GADL1: variants seen among roughly 807,000 people sequenced by gnomAD.
GADL1 encodes acidic amino acid decarboxylase GADL1.
A neutral mutation model predicts 69.5 loss-of-function variants in GADL1; 71 were observed. That is an observed-to-expected ratio of 1.02 (90% CI 0.84 to 1.25). The LOEUF is 1.25. Ranked by LOEUF, GADL1 falls within the 50% of genes most tolerant of loss-of-function variation. The pLI is 0.00. For missense variants in GADL1, 737 were observed against 631.8 expected, an observed-to-expected ratio of 1.17 and a Z score of -1.79; for synonymous variants, 254 against 214.4, an observed-to-expected ratio of 1.18 and a Z score of -1.62.
At chr3:30,839,680 T>C (rs1218397204) in intron 8 of GADL1, among the ~76,000 whole-genome samples, 1 of 152,046 alleles carries the variant, frequency 6.6e-6, no homozygotes, top group African/African-American at 2.4e-5. Flanking sequence ...GGATACATTC[T>C]CCAAAATAGG....
At chr3:30,764,291 T>C (rs144212062) in intron 14 of GADL1, among the ~76,000 whole-genome samples, 14 of 152,292 alleles carry the variant, frequency 9.2e-5, no homozygotes, top group African/African-American at 2.9e-4. Flanking sequence ...TAGAAACTAA[T>C]TTCTAAGACA....
intron 2 of GADL1, among the ~76,000 whole-genome samples, chr3:30,857,727 C>T (rs1698252616): frequency 6.6e-6 from 1 of 151,914 alleles, no homozygotes; most frequent in Non-Finnish European, 1.5e-5. Context: ...AACCTGAGGT[C>T]CTTACAAAGA....
chr3:30,763,270 T>C (rs761699584), intron 14 of GADL1, among the ~76,000 whole-genome samples: 4 of 152,120 alleles, frequency 2.6e-5, no homozygotes, highest in Admixed American at 1.3e-4. Flanking sequence ...AGTCCGAGGC[T>C]GGTGGATCAC....
intron 14 of GADL1, among the ~76,000 whole-genome samples, chr3:30,750,005 C>T (rs1575183089): frequency 6.6e-6 from 1 of 152,154 alleles, no homozygotes; most frequent in South Asian, 2.1e-4. Flanking sequence ...TCAGATTTTG[C>T]TGTCATTCAA....
At chr3:30,828,731 C>T (rs1697733273) in intron 11 of GADL1, among the ~76,000 whole-genome samples, 1 of 151,914 alleles carries the variant, frequency 6.6e-6, no homozygotes, top group African/African-American at 2.4e-5. Context: ...ATTGACAAAA[C>T]TATGCCTGTG....
intron 14 of GADL1, among the ~76,000 whole-genome samples, chr3:30,774,131 AC>A (rs1696480652): frequency 6.6e-6 from 1 of 152,160 alleles, no homozygotes; most frequent in South Asian, 2.1e-4. Flanking sequence ...CCTAGGGAAT[AC>A]CTAGGAAATT....
rs370666278 is a variant in GADL1 at position 30,881,700 on chromosome 3, CA to C, written c.37+12877del. On this transcript the variant is annotated intron_variant, in intron 1 of 14. Transcript: ENST00000282538. Reference sequence around the variant, plus strand: ...GCTGTCTAGCAATGTCAAAATACAACAAAAAAATGATAAATTTGTTAAGGGA... The same window carrying C: ...GCTGTCTAGCAATGTCAAAATACAACAAAAAATGATAAATTTGTTAAGGGA... Among the ~76,000 whole-genome samples, 216 of 151,902 alleles carry C rather than the reference CA, an allele frequency of 1.4e-3. 2 individuals are homozygous for C. Among genetic ancestry groups the C allele is most frequent in the African/African-American group, 4.9e-3 (204 of 41,460 alleles).
rs149014301 is a variant in GADL1 at position 30,869,845 on chromosome 3, G to A, written c.38-8080C>T. Among the ~76,000 whole-genome samples, 123 of 151,858 alleles carry A rather than the reference G, an allele frequency of 8.1e-4. 3 individuals are homozygous for A. Among genetic ancestry groups the A allele is most frequent in the African/African-American group, 2.9e-3 (119 of 41,368 alleles). ...TCAAGACCAAAAAGACACACAGATG[G>A]TGACCCCAAAATCCAATAAGGGAAA... On this transcript the variant is annotated intron_variant, in intron 1 of 14. Transcript: ENST00000282538.
intron 11 of GADL1, among the ~76,000 whole-genome samples, chr3:30,804,082 T>C (rs1353893355): frequency 6.6e-6 from 1 of 152,228 alleles, no homozygotes; most frequent in East Asian, 1.9e-4. Flanking sequence ...TTAGGACTTG[T>C]ACAGTGGCAA....
At position 30,800,899 on chromosome 3, in the gene GADL1, C is replaced by CAA. The variant is rs751522659; in HGVS notation, c.1238_1239dup (p.Ala414LeufsTer7). 6.3e-7 allele frequency: 1 copy of CAA among 1,586,090 alleles called. No individual in the cohort carries two copies. Among genetic ancestry groups the CAA allele is most frequent in the South Asian group, 1.1e-5 (1 of 90,576 alleles). On this transcript the variant is annotated frameshift_variant, in exon 12 of 15. Transcript: ENST00000282538. LOFTEE classifies it high-confidence loss of function. ...GAGAGAGGCTAGTACCTAGATAAAG[C>CAA]AAGAGCACGATTAACTCTTTCTTCA...
intron 3 of GADL1, among the ~76,000 whole-genome samples, chr3:30,856,195 C>G (rs1698228044): frequency 6.6e-6 from 1 of 152,024 alleles, no homozygotes; most frequent in African/African-American, 2.4e-5. Context: ...CAGAATTTTA[C>G]TATGTTCTTT....
At chr3:30,794,349 C>T (rs1396722485) in intron 12 of GADL1, among the ~76,000 whole-genome samples, 1 of 152,010 alleles carries the variant, frequency 6.6e-6, no homozygotes, top group Non-Finnish European at 1.5e-5. Flanking sequence ...TTGAAAAATC[C>T]CTTAGTGGAT....
intron 11 of GADL1, among the ~76,000 whole-genome samples, chr3:30,819,498 C>T (rs892096506): frequency 6.6e-6 from 1 of 152,144 alleles, no homozygotes; most frequent in South Asian, 2.1e-4. Flanking sequence ...TAAACTCAGC[C>T]TTTGCTCAGA....
intron 1 of GADL1, among the ~76,000 whole-genome samples, chr3:30,867,023 T>C (rs2125539301): frequency 6.6e-6 from 1 of 152,156 alleles, no homozygotes; most frequent in Admixed American, 6.5e-5. Context: ...TCCCACTTGA[T>C]CACTCCCAAG....
chr3:30,893,515 A>G (rs923531732), intron 1 of GADL1, among the ~76,000 whole-genome samples: 1 of 151,664 alleles, frequency 6.6e-6, no homozygotes, highest in Non-Finnish European at 1.5e-5. Context: ...CCATTGACCT[A>G]CCTTTCTACA....
chr3:30,752,803 T>A (rs1223837373), intron 14 of GADL1, among the ~76,000 whole-genome samples: 3 of 137,268 alleles, frequency 2.2e-5, no homozygotes, highest in Non-Finnish European at 4.6e-5. Flanking sequence ...TAAAACAATC[T>A]AGGCTGCTGG....
intron 14 of GADL1, among the ~76,000 whole-genome samples, chr3:30,740,558 A>T (rs1434263449): frequency 2.0e-5 from 3 of 152,162 alleles, no homozygotes; most frequent in Admixed American, 2.0e-4. Context: ...ACCTCTACGT[A>T]CGTCCTAAAG....
In GADL1 at chr3:30,857,045, G is replaced by A. The variant is rs760144442; in HGVS notation, c.307C>T (p.Arg103Trp). 83 of 1,549,108 alleles carry A rather than the reference G, an allele frequency of 5.4e-5. No homozygotes were observed. Among genetic ancestry groups the A allele is most frequent in the Non-Finnish European group, 3.1e-5 (35 of 1,145,072 alleles). ...EPPHKLLELC[R>W]DVIHYSVKTN... ...TTGACACTGTAGTGTATGACATCCC[G>A]ACAGAGTTCCAATAGTTTATGGGGT... Residue 103 changes from arginine (R) to tryptophan (W), a missense_variant, in exon 3 of 15, where the codon CGG (arginine) becomes TGG (tryptophan). Transcript: ENST00000282538.
intron 14 of GADL1, among the ~76,000 whole-genome samples, chr3:30,772,377 TAAG>T (rs377405972): frequency 7.4e-4 from 112 of 152,246 alleles, no homozygotes; most frequent in African/African-American, 2.2e-3. Flanking sequence ...ATTGACAAAA[TAAG>T]AAATATTCTA....
Sources: gnomAD v4.1 joint callset for allele counts (sites outside exome capture counted in the v4.1 genomes callset) on GRCh38, gnomAD v4.1.1 for gene constraint, MANE v1.5 for transcripts, NCBI Gene and HGNC (gene_info 2026-07-23, HGNC 2026-07-21) for gene names.